IGFBP2: variants seen among roughly 807,000 people sequenced by gnomAD.
IGFBP2 encodes insulin like growth factor binding protein 2, also known as insulin-like growth factor-binding protein 2.
A neutral mutation model predicts 26.2 loss-of-function variants in IGFBP2; 12 were observed. The observed-to-expected ratio is 0.46, with a 90% CI of 0.29 to 0.74. IGFBP2 has a LOEUF of 0.74. Ranked by LOEUF, IGFBP2 falls within the 30% of genes least tolerant of loss-of-function variation. The pLI is 0.09. For missense variants in IGFBP2, 328 were observed against 441.2 expected (o/e 0.74, Z 2.30); for synonymous variants, 189 against 200.6 (o/e 0.94, Z 0.49).
At chr2:216,655,536 G>A (rs537992126) in intron 1 of IGFBP2, among the ~76,000 whole-genome samples, 1 of 152,300 alleles carries the variant, frequency 6.6e-6, no homozygotes, top group Non-Finnish European at 1.5e-5. Flanking sequence ...ATGCTGAACT[G>A]TGAGTCAATT....
intron 3 of IGFBP2, chr2:216,663,678 T>C (rs1688701509): frequency 2.6e-6 from 1 of 380,052 alleles, no homozygotes; most frequent in East Asian, 4.4e-5. Flanking sequence ...ATGGCCTTGC[T>C]AATCAGAGGG....
chr2:216,637,209 C>A (rs1054944621), intron 1 of IGFBP2, among the ~76,000 whole-genome samples: 123 of 152,314 alleles, frequency 8.1e-4, no homozygotes, highest in East Asian at 2.1e-3. Context: ...CCCCTCCCCC[C>A]ATCTGGACAG....
At chr2:216,644,655 A>G (rs1697676763) in intron 1 of IGFBP2, among the ~76,000 whole-genome samples, 1 of 152,344 alleles carries the variant, frequency 6.6e-6, no homozygotes, top group Admixed American at 6.5e-5. Context: ...AATAAGTGAT[A>G]TAACAGTGAT....
chr2:216,651,539 TC>T (rs1697825238), intron 1 of IGFBP2, among the ~76,000 whole-genome samples: 1 of 152,260 alleles, frequency 6.6e-6, no homozygotes, highest in Non-Finnish European at 1.5e-5. Flanking sequence ...CTTAAGGACT[TC>T]TATTAAATGG....
rs1559181939 is a variant in IGFBP2, at chr2:216,663,932, C to CT, written c.814-7dup. Reference sequence around the variant, plus strand: ...GGGCTCCTCCATGCTCTTCTCCTCTCTCCCCAGTGCAAGATGTCTCTGAAC... The same window carrying CT: ...GGGCTCCTCCATGCTCTTCTCCTCTCTTCCCCAGTGCAAGATGTCTCTGAAC... On this transcript the variant is annotated splice_region_variant and splice_polypyrimidine_tract_variant and intron_variant, in intron 3 of 3. Coordinates refer to ENST00000233809, the MANE Select transcript of IGFBP2 (RefSeq NM_000597.3). The CT allele has an allele frequency of 1.9e-6, 3 of 1,613,094 alleles. No homozygotes were observed. In the South Asian group the frequency reaches 3.3e-5, roughly 18 times the overall value.
intron 1 of IGFBP2, among the ~76,000 whole-genome samples, chr2:216,655,775 G>A (rs1254638063): frequency 6.6e-6 from 1 of 152,002 alleles, no homozygotes; most frequent in African/African-American, 2.4e-5. Flanking sequence ...CATGCCTGTA[G>A]TTCCAGCTAC....
At chr2:216,645,371 G>C (rs1697691628) in intron 1 of IGFBP2, among the ~76,000 whole-genome samples, 1 of 152,208 alleles carries the variant, frequency 6.6e-6, no homozygotes, top group Admixed American at 6.5e-5. Context: ...AAGCCCTGGG[G>C]CTAAAAGGTC....
intron 1 of IGFBP2, among the ~76,000 whole-genome samples, chr2:216,646,975 C>T (rs970186000): frequency 6.6e-6 from 1 of 152,154 alleles, no homozygotes; most frequent in African/African-American, 2.4e-5. Flanking sequence ...GTTGTCATAC[C>T]ACCTGTAACA....
At chr2:216,651,915 C>T (rs140813094) in intron 1 of IGFBP2, among the ~76,000 whole-genome samples, 8 of 152,290 alleles carry the variant, frequency 5.3e-5, no homozygotes, top group African/African-American at 1.9e-4. Flanking sequence ...GCATGTGCCA[C>T]CATGCCCAGC....
At chr2:216,659,570 T>A (rs1697991950) in intron 1 of IGFBP2, 1 of 672,240 alleles carries the variant, frequency 1.5e-6, no homozygotes, top group Admixed American at 2.1e-5. Context: ...GCCGTGCGAT[T>A]CAGATCCTCT....
chr2:216,648,491 C>T (rs374625887), intron 1 of IGFBP2, among the ~76,000 whole-genome samples: 29 of 152,296 alleles, frequency 1.9e-4, no homozygotes, highest in Non-Finnish European at 3.2e-4. Flanking sequence ...TGGTGAAGTC[C>T]GCCATGTCAC....
At chr2:216,651,888 A>G (rs892223587) in intron 1 of IGFBP2, among the ~76,000 whole-genome samples, 38 of 152,146 alleles carry the variant, frequency 2.5e-4, no homozygotes, top group Non-Finnish European at 4.6e-4. Flanking sequence ...CAGCCTCTCA[A>G]GTAGCTGGGA....
chr2:216,643,537 G>A (rs1289160136), intron 1 of IGFBP2, among the ~76,000 whole-genome samples: 2 of 152,172 alleles, frequency 1.3e-5, no homozygotes, highest in East Asian at 1.9e-4. Flanking sequence ...TACTGCCATT[G>A]GGAATCCGGG....
intron 2 of IGFBP2, chr2:216,661,415 C>T: frequency 3.2e-6 from 1 of 317,444 alleles, no homozygotes; most frequent in South Asian, 2.7e-5. Flanking sequence ...GAAACTCAGT[C>T]TTGTTGCCAT....
At chr2:216,650,051 C>T (rs777688597) in intron 1 of IGFBP2, among the ~76,000 whole-genome samples, 1 of 152,234 alleles carries the variant, frequency 6.6e-6, no homozygotes, top group East Asian at 1.9e-4. Flanking sequence ...TTGTTCTCGC[C>T]TCACCAGGAA....
intron 1 of IGFBP2, among the ~76,000 whole-genome samples, chr2:216,658,879 C>T (rs2005436): frequency 0.049 from 7,445 of 152,182 alleles, 465 homozygotes; most frequent in African/African-American, 0.15. Context: ...GCTTTTCTTT[C>T]GTCATACTCT....
intron 1 of IGFBP2, among the ~76,000 whole-genome samples, chr2:216,651,242 A>C (rs1697818145): frequency 6.6e-6 from 1 of 152,052 alleles, no homozygotes; most frequent in South Asian, 2.1e-4. Context: ...CCTCCCTCCC[A>C]CCAGCATGGC....
intron 1 of IGFBP2, among the ~76,000 whole-genome samples, chr2:216,635,591 C>T (rs905483306): frequency 2.5e-5 from 3 of 118,952 alleles, no homozygotes; most frequent in Non-Finnish European, 5.1e-5. Flanking sequence ...GATGCCTTTC[C>T]TTCTTTAACG....
chr2:216,652,423 G>A (rs187792571), intron 1 of IGFBP2, among the ~76,000 whole-genome samples: 15 of 152,090 alleles, frequency 9.9e-5, no homozygotes, highest in Non-Finnish European at 1.9e-4. Flanking sequence ...TGATCTGCCC[G>A]CCTCGGCCTC....
Sources: allele counts gnomAD v4.1 joint callset (sites outside exome capture counted in the v4.1 genomes callset), GRCh38; gene constraint gnomAD v4.1.1; transcripts MANE v1.5; gene names NCBI Gene and HGNC (gene_info 2026-07-23, HGNC 2026-07-21).